Variants in ZNF280D observed in about 807,000 individuals in gnomAD.
The protein encoded by ZNF280D is zinc finger protein 280D.
In ZNF280D, 39 loss-of-function variants were observed where a neutral mutation model predicts 94.7. The ratio of observed to expected loss-of-function variants is 0.41; its 90% CI spans 0.32 to 0.54. The LOEUF is 0.54. ZNF280D is among the 20% of genes least tolerant of loss of function. The pLI is 0.22. For missense variants in ZNF280D, 1,090 were observed against 1,149.3 expected (o/e 0.95, Z 0.75); for synonymous variants, 398 against 377.6 (o/e 1.05, Z -0.63).
chr15:56,642,583 G>A (rs1307240881), intron 20 of ZNF280D, among the ~76,000 whole-genome samples: 2 of 151,576 alleles, frequency 1.3e-5, no homozygotes, highest in Admixed American at 1.3e-4. Flanking sequence ...TTAACCTTTT[G>A]ACAGTTAAAA....
chr15:56,707,544 T>G (rs1447860991), intron 1 of ZNF280D, among the ~76,000 whole-genome samples: 3 of 152,176 alleles, frequency 2.0e-5, no homozygotes, highest in Non-Finnish European at 4.4e-5. Flanking sequence ...AAATAATTTT[T>G]TAAAGTATTT....
chr15:56,698,449 T>A (rs1378571763), intron 6 of ZNF280D: 1 of 152,220 alleles, frequency 6.6e-6, no homozygotes, highest in African/African-American at 2.4e-5. Flanking sequence ...AATATTACTA[T>A]CAATTATTTT....
chr15:56,712,547 C>A lies in ZNF280D; in HGVS notation c.-85-5241G>T, dbSNP rs554323656. Among the ~76,000 whole-genome samples the A allele has an allele frequency of 2.3e-3, 271 of 117,594 alleles. 1 individual carries two copies. Among genetic ancestry groups the A allele is most frequent in the African/African-American group, 8.9e-3 (265 of 29,882 alleles). The allele number at this position is 117,594 out of a possible 152,430, so 77.1% of individuals were successfully genotyped here. The stretch of plus-strand genomic sequence containing the variant: ...AGGTTGAGGCTGCAGTGAGCCGAGA[C>A]TGGGCCACTGCACTCCAGCCTGGGT... On this transcript the variant is annotated intron_variant, in intron 1 of 21. Coordinates refer to ENST00000267807, the MANE Select transcript of ZNF280D (RefSeq NM_017661.4).
intron 19 of ZNF280D, among the ~76,000 whole-genome samples, chr15:56,651,219 T>C (rs1301009022): frequency 6.6e-6 from 1 of 152,198 alleles, no homozygotes; most frequent in African/African-American, 2.4e-5. Context: ...AATCTGAGCC[T>C]CTGTAGTTTA....
At chr15:56,718,900 A>C (rs779793972) in intron 1 of ZNF280D, among the ~76,000 whole-genome samples, 10 of 152,230 alleles carry the variant, frequency 6.6e-5, no homozygotes, top group Non-Finnish European at 1.5e-4. Flanking sequence ...AGCTATTTTA[A>C]CACCATTTCT....
At chr15:56,703,845 C>T (rs1006168721) in intron 4 of ZNF280D, among the ~76,000 whole-genome samples, 6 of 139,716 alleles carry the variant, frequency 4.3e-5, no homozygotes, top group African/African-American at 1.6e-4. Context: ...AGAGTGAGAC[C>T]CTGTCTCAAA....
At chr15:56,710,502 T>C (rs1003684452) in intron 1 of ZNF280D, among the ~76,000 whole-genome samples, 1 of 152,008 alleles carries the variant, frequency 6.6e-6, no homozygotes, top group Non-Finnish European at 1.5e-5. Flanking sequence ...CCATATTTAA[T>C]ATACTGTTTG....
intron 21 of ZNF280D, 63 bp downstream of exon 21, chr15:56,635,132 T>C: frequency 9.9e-7 from 1 of 1,008,630 alleles, no homozygotes; most frequent in Non-Finnish European, 1.5e-6. Flanking sequence ...TGTGAAATAA[T>C]GCAGCTCAAG....
rs1253099139 is a variant in ZNF280D, at chr15:56,730,755, A to G, written c.-86+2703T>C. 7.9e-5 allele frequency: 12 copies of G among 151,118 alleles called. 1 individual carries two copies. The highest frequency in any genetic ancestry group is 5.3e-4 in the Admixed American group (8 of 15,146). The allele number at this position is 151,118 out of a possible 1,614,324, so 9.4% of individuals were successfully genotyped here. On this transcript the variant is annotated intron_variant, in intron 1 of 21. Coordinates refer to ENST00000267807, the MANE Select transcript of ZNF280D (RefSeq NM_017661.4). ...TAGATGGGTTAGTATTTCCTCCAGA[A>G]TTGTCTCCACTTCTTCTTCTTCCTA...
chr15:56,693,437 A>T lies in ZNF280D; in HGVS notation c.382-222T>A, dbSNP rs144371850. On this transcript the variant is annotated intron_variant, in intron 6 of 21. Transcript: ENST00000267807. The stretch of plus-strand genomic sequence containing the variant: ...TAATTGCTACTTTGCCAAAATTATC[A>T]TCTACTGAAACTGAAAGCAAGCTAT... Among the ~76,000 whole-genome samples the T allele has an allele frequency of 3.2e-3, 483 of 152,148 alleles. 4 individuals carry two copies. The highest frequency in any genetic ancestry group is 0.011 in the African/African-American group (468 of 41,558).
At position 56,633,502 on chromosome 15, in the gene ZNF280D, T is replaced by A. The variant is rs577991078; in HGVS notation, c.2316-1380A>T. Among the ~76,000 whole-genome samples the A allele has an allele frequency of 1.7e-3, 254 of 152,186 alleles. 1 individual carries two copies. The highest frequency in any genetic ancestry group is 5.8e-3 in the African/African-American group (240 of 41,540). ...ATCTAATATCTTTTTATCTTTTTTT[T>A]TTTGAGGGGGGACAGTCTCACTGTG... On this transcript the variant is annotated intron_variant, in intron 21 of 21. Coordinates refer to ENST00000267807, the MANE Select transcript of ZNF280D (RefSeq NM_017661.4).
At chr15:56,647,703 T>C (rs1439138804) in intron 19 of ZNF280D, among the ~76,000 whole-genome samples, 13 of 152,200 alleles carry the variant, frequency 8.5e-5, no homozygotes, top group African/African-American at 3.1e-4. Context: ...CTAATTTTTA[T>C]ACTTTTTTGT....
Position 56,716,695 on chromosome 15 carries a change from G to A in ZNF280D, c.-85-9389C>T, listed in dbSNP as rs2058063790. On this transcript the variant is annotated intron_variant, in intron 1 of 21. Transcript: ENST00000267807. Reference sequence around the variant, plus strand: ...TTTGTGACACAGTGTCAAAATAACAGAATTTGAGTATTAAATCAGAGAGAA... The same window carrying A: ...TTTGTGACACAGTGTCAAAATAACAAAATTTGAGTATTAAATCAGAGAGAA... Among the ~76,000 whole-genome samples the A allele has an allele frequency of 2.0e-5, 3 of 152,032 alleles. No homozygotes were observed. The South Asian group carries it at 6.2e-4, about 32-fold the overall frequency.
chr15:56,705,877 G>A (rs1596585697), intron 3 of ZNF280D, among the ~76,000 whole-genome samples: 2 of 151,668 alleles, frequency 1.3e-5, no homozygotes, highest in East Asian at 1.9e-4. Flanking sequence ...TGGACTAGGC[G>A]AAGTCAGAAA....
At chr15:56,652,908 AG>A in intron 19 of ZNF280D, 16 of 980,188 alleles carry the variant, frequency 1.6e-5, no homozygotes, top group Non-Finnish European at 1.9e-5. Flanking sequence ...AATCTCTTGG[AG>A]TTCTTAAAAC....
At chr15:56,660,044 C>T (rs1177425843) in intron 16 of ZNF280D, among the ~76,000 whole-genome samples, 1 of 151,946 alleles carries the variant, frequency 6.6e-6, no homozygotes, top group African/African-American at 2.4e-5. Context: ...TTTCTTCAAC[C>T]TAGGAGTAAT....
chr15:56,688,933 T>A, intron 9 of ZNF280D, 108 bp downstream of exon 9: 1 of 600,090 alleles, frequency 1.7e-6, no homozygotes, highest in Non-Finnish European at 2.7e-6. Context: ...TTAAATTAAA[T>A]GGAAATACCA....
intron 9 of ZNF280D, among the ~76,000 whole-genome samples, chr15:56,682,789 G>A (rs2055719736): frequency 6.6e-6 from 1 of 151,934 alleles, no homozygotes; most frequent in African/African-American, 2.4e-5. Flanking sequence ...ATAATAATCT[G>A]TTCCTTAACT....
At chr15:56,726,543 G>C (rs1346772007) in intron 1 of ZNF280D, among the ~76,000 whole-genome samples, 2 of 151,940 alleles carry the variant, frequency 1.3e-5, no homozygotes, top group Non-Finnish European at 2.9e-5. Context: ...GATGTTAGTG[G>C]CTTTATTTTT....
Sources: allele counts gnomAD v4.1 joint callset (sites outside exome capture counted in the v4.1 genomes callset), GRCh38; gene constraint gnomAD v4.1.1; transcripts MANE v1.5; gene names NCBI Gene and HGNC (gene_info 2026-07-23, HGNC 2026-07-21).